AJAP1: variants seen among roughly 807,000 people sequenced by gnomAD.
The protein encoded by AJAP1 is adherens junction-associated protein 1.
A neutral mutation model predicts 35.0 loss-of-function variants in AJAP1; 5 were observed. The ratio of observed to expected loss-of-function variants is 0.14; its 90% CI spans 0.07 to 0.30. The LOEUF (loss-of-function observed/expected upper bound fraction) is 0.30. AJAP1 is among the 10% of genes least tolerant of loss of function. The pLI is 1.00. For missense variants in AJAP1, 586 were observed against 571.0 expected, an observed-to-expected ratio of 1.03 and a Z score of -0.27; for synonymous variants, 284 against 249.3, an observed-to-expected ratio of 1.14 and a Z score of -1.31.
At chr1:4,769,687 A>T (rs1243517373) in intron 2 of AJAP1, among the ~76,000 whole-genome samples, 166 bp from the exon 3 acceptor site, 1 of 152,060 alleles carries the variant, frequency 6.6e-6, no homozygotes, top group Non-Finnish European at 1.5e-5. Context: ...CCTGCAGTCG[A>T]GGAGGAGAGA....
chr1:4,679,781 G>C (rs535945105), intron 1 of AJAP1, among the ~76,000 whole-genome samples: 2 of 150,722 alleles, frequency 1.3e-5, no homozygotes, highest in East Asian at 3.9e-4. Flanking sequence ...TATTAATCAG[G>C]GTTCTGCTTA....
chr1:4,781,069 C>G (rs1055349634), intron 5 of AJAP1, among the ~76,000 whole-genome samples: 1 of 152,170 alleles, frequency 6.6e-6, no homozygotes, highest in African/African-American at 2.4e-5. Flanking sequence ...GACTCTGGCA[C>G]ACTGAGTCTC....
At chr1:4,778,275 A>T (rs1009544295) in intron 5 of AJAP1, among the ~76,000 whole-genome samples, 3 of 151,974 alleles carry the variant, frequency 2.0e-5, no homozygotes, top group African/African-American at 7.2e-5. Flanking sequence ...CAGCCACGTT[A>T]TTTTCCAGCC....
intron 1 of AJAP1, among the ~76,000 whole-genome samples, chr1:4,662,658 T>C (rs926494466): frequency 1.7e-4 from 26 of 152,348 alleles, no homozygotes; most frequent in African/African-American, 5.8e-4. Flanking sequence ...TGTCGTTAGA[T>C]GGATGGAAAA....
At chr1:4,766,731 GA>G (rs1331266242) in intron 2 of AJAP1, among the ~76,000 whole-genome samples, 1 of 152,340 alleles carries the variant, frequency 6.6e-6, no homozygotes, top group Admixed American at 6.5e-5. Flanking sequence ...TTTAACGACA[GA>G]ATGTGCAGGT....
chr1:4,680,108 G>A (rs143680046), intron 1 of AJAP1, among the ~76,000 whole-genome samples: 5 of 152,274 alleles, frequency 3.3e-5, no homozygotes, highest in African/African-American at 1.2e-4. Context: ...AAAGCAGTCA[G>A]GCAGAGAGTG....
intron 2 of AJAP1, among the ~76,000 whole-genome samples, chr1:4,748,435 G>A (rs373719999): frequency 1.3e-5 from 2 of 152,138 alleles, no homozygotes; most frequent in African/African-American, 2.4e-5. Flanking sequence ...TAGTCACGAC[G>A]TTGTGGTCCT....
At chr1:4,726,037 G>A (rs1640648334) in intron 2 of AJAP1, among the ~76,000 whole-genome samples, 1 of 152,246 alleles carries the variant, frequency 6.6e-6, no homozygotes, top group South Asian at 2.1e-4. Context: ...CCACCTGGGA[G>A]AGTGCCTCCC....
intron 1 of AJAP1, among the ~76,000 whole-genome samples, chr1:4,668,579 C>G (rs1235992297): frequency 2.0e-5 from 3 of 152,320 alleles, no homozygotes; most frequent in Middle Eastern, 3.4e-3. Context: ...AAGCAACTTT[C>G]CTAAGGTCAT....
chr1:4,688,989 C>A (rs893865797), intron 1 of AJAP1, among the ~76,000 whole-genome samples: 1 of 152,050 alleles, frequency 6.6e-6, no homozygotes, highest in African/African-American at 2.4e-5. Flanking sequence ...CCAGTACCCA[C>A]CAGTGGGAAG....
chr1:4,682,490 A>C (rs766922670), intron 1 of AJAP1, among the ~76,000 whole-genome samples: 1 of 152,118 alleles, frequency 6.6e-6, no homozygotes, highest in Non-Finnish European at 1.5e-5. Flanking sequence ...ACCAGCCCTG[A>C]GTTTTCATGT....
intron 1 of AJAP1, among the ~76,000 whole-genome samples, chr1:4,679,840 T>TA (rs1162411840): frequency 6.6e-6 from 1 of 151,154 alleles, no homozygotes; most frequent in African/African-American, 2.4e-5. Context: ...TGTGTGTGTG[T>TA]GTGTGTGTGT....
chr1:4,722,154 C>CT (rs1300010072), intron 2 of AJAP1, among the ~76,000 whole-genome samples: 1 of 152,220 alleles, frequency 6.6e-6, no homozygotes, highest in Non-Finnish European at 1.5e-5. Context: ...ACACAGTCTT[C>CT]TTTTGATTTA....
intron 2 of AJAP1, among the ~76,000 whole-genome samples, chr1:4,729,211 G>A (rs1050364718): frequency 1.3e-5 from 2 of 152,200 alleles, no homozygotes; most frequent in African/African-American, 2.4e-5. Context: ...CTCACAGCCC[G>A]GGATGCAGAT....
At chr1:4,743,800 T>G (rs1330868350) in intron 2 of AJAP1, among the ~76,000 whole-genome samples, 1 of 152,184 alleles carries the variant, frequency 6.6e-6, no homozygotes, top group East Asian at 1.9e-4. Flanking sequence ...AATCCCTGAC[T>G]TACCTGGTCA....
At chr1:4,712,807 C>T in intron 2 of AJAP1, 108 bp downstream of exon 2, 3 of 1,176,224 alleles carry the variant, frequency 2.6e-6, no homozygotes, top group South Asian at 3.6e-5. Flanking sequence ...GTGGAGGCTC[C>T]AGGAGATGCA....
At position 4,791,748 on chromosome 1, in the gene AJAP1, T is replaced by C. The variant is rs944780342; in HGVS notation, c.*9263T>C. On this transcript the variant is annotated 3_prime_UTR_variant, in exon 6 of 6. Coordinates refer to ENST00000378191, the MANE Select transcript of AJAP1 (RefSeq NM_018836.4). ...ACATCCAAACTATTGACTGGATTTT[T>C]CCCATGGGGCATCTGTCTAAGAGTC... 1 of 152,226 alleles carries C rather than the reference T, an allele frequency of 6.6e-6. No homozygotes were observed. The highest frequency in any genetic ancestry group is 1.5e-5 in the Non-Finnish European group (1 of 68,040). 9.4% of individuals were successfully genotyped at this position (152,226 alleles called of 1,614,324 possible). A position where few individuals can be genotyped will look rare whatever the true frequency, so the allele number is the denominator to read the frequency against.
At chr1:4,727,343 C>T (rs940039532) in intron 2 of AJAP1, among the ~76,000 whole-genome samples, 10 of 152,270 alleles carry the variant, frequency 6.6e-5, no homozygotes, top group Admixed American at 1.3e-4. Flanking sequence ...TTTCAGGGGT[C>T]CCAGCCCATT....
intron 2 of AJAP1, among the ~76,000 whole-genome samples, chr1:4,729,176 T>C (rs1640743002): frequency 6.6e-6 from 1 of 152,128 alleles, no homozygotes; most frequent in Non-Finnish European, 1.5e-5. Flanking sequence ...ACAGCATCCA[T>C]GGTGAATGAA....
Sources: allele counts gnomAD v4.1 joint callset (sites outside exome capture counted in the v4.1 genomes callset), GRCh38; gene constraint gnomAD v4.1.1; transcripts MANE v1.5; gene names NCBI Gene and HGNC (gene_info 2026-07-23, HGNC 2026-07-21).